Variants in GGCX observed in about 807,000 individuals in gnomAD.
GGCX encodes the protein vitamin K-dependent gamma-carboxylase.
A neutral mutation model predicts 88.5 loss-of-function variants in GGCX; 63 were observed. The observed-to-expected ratio is 0.71, with a 90% CI of 0.58 to 0.88. The LOEUF (loss-of-function observed/expected upper bound fraction) is 0.88, where lower values mean the gene tolerates loss of function less well. Among genes scored for constraint, GGCX ranks in the 40% least tolerant of loss-of-function variants. The probability of loss-of-function intolerance (pLI) is 0.00; values close to 1 mark genes in which losing one functional copy is unlikely to be tolerated. For synonymous variants in GGCX, 368 were observed against 365.8 expected, an observed-to-expected ratio of 1.01 and a Z score of -0.07; for missense variants, 805 against 932.9, an observed-to-expected ratio of 0.86 and a Z score of 1.79.
At chr2:85,551,388 G>A in intron 12 of GGCX, 92 bp downstream of exon 12, 2 of 1,305,502 alleles carry the variant, frequency 1.5e-6, no homozygotes, top group South Asian at 2.4e-5. Context: ...GTGAATTCCT[G>A]GCTTCCCACC....
chr2:85,545,634 G>A lies in GGCX; in HGVS notation c.*4300C>T, dbSNP rs1691622983. Reference sequence around the variant, plus strand: ...CTAGTCCACTTAAGCCAAAATTCATGTGTCCTTATTGCAGCAGCCATTCAA... The same window carrying A: ...CTAGTCCACTTAAGCCAAAATTCATATGTCCTTATTGCAGCAGCCATTCAA... On this transcript the variant is annotated 3_prime_UTR_variant, in exon 15 of 15. Coordinates refer to ENST00000233838, the MANE Select transcript of GGCX (RefSeq NM_000821.7). The A allele has an allele frequency of 6.6e-6, 1 of 152,106 alleles. No homozygotes were observed. Among genetic ancestry groups the A allele is most frequent in the African/African-American group, 2.4e-5 (1 of 41,402 alleles). The allele number at this position is 152,106 out of a possible 1,614,324, so 9.4% of individuals were successfully genotyped here.
intron 6 of GGCX, chr2:85,554,799 A>G (rs1177723502): frequency 4.5e-6 from 1 of 223,316 alleles, no homozygotes; most frequent in African/African-American, 2.3e-5. Context: ...TTAGGTGTTC[A>G]ATGTTTTCTA....
intron 9 of GGCX, 92 bp from the exon 10 acceptor site, chr2:85,552,659 G>A (rs965143013): frequency 1.2e-5 from 16 of 1,280,726 alleles, no homozygotes; most frequent in Non-Finnish European, 1.8e-5. Flanking sequence ...ATCCCTGCCT[G>A]CTGCCCATTC....
intron 1 of GGCX, 90 bp from the exon 2 acceptor site, chr2:85,561,075 G>T: frequency 8.7e-7 from 1 of 1,155,272 alleles, no homozygotes; most frequent in Non-Finnish European, 1.3e-6. Context: ...CAGAGCTTCC[G>T]CCCACCCGGG....
Position 85,554,315 on chromosome 2 carries a change from A to G in GGCX, c.726-9T>C, listed in dbSNP as rs1406719030. ...CCTCAGACAACAGCAGTCTGCAAAC[A>G]CATGGAGAAAGTTCAAGCACCAGCC... On this transcript the variant is annotated splice_polypyrimidine_tract_variant and intron_variant, in intron 6 of 14. Coordinates refer to ENST00000233838, the MANE Select transcript of GGCX (RefSeq NM_000821.7). The G allele has an allele frequency of 1.2e-6, 2 of 1,613,524 alleles. No individual in the cohort carries two copies. The highest frequency in any genetic ancestry group is 1.7e-6 in the Non-Finnish European group (2 of 1,179,698).
In GGCX at chr2:85,553,002, G is replaced by T. The variant is rs763288483; in HGVS notation, c.1224C>A (p.His408Gln). The T allele has an allele frequency of 3.0e-5, 49 of 1,614,062 alleles. No homozygotes were observed. The highest frequency in any genetic ancestry group is 5.0e-5 in the Admixed American group (3 of 60,018). The change falls in exon 9 of 15, where the codon CAC (histidine) becomes CAA (glutamine). Residue 408 changes from histidine (H) to glutamine (Q), a missense_variant. Physicochemically the swap from His to Gln is conservative, Grantham distance 24. Transcript: ENST00000233838. ...SWDMMVHSRS[H>Q]QHVKITYRDG... ...CACGGTAGGTGATCTTCACGTGCTG[G>T]TGGGAGCGGGAGTGCACCATCATGT...
intron 8 of GGCX, 68 bp from the exon 9 acceptor site, chr2:85,553,138 G>A (rs903853639): frequency 1.9e-6 from 3 of 1,613,016 alleles, no homozygotes; most frequent in African/African-American, 2.7e-5. Context: ...CTACCAAGAA[G>A]GGGCTGCAAA....
At position 85,561,052 on chromosome 2, in the gene GGCX, T is replaced by A. The variant is rs7568458; in HGVS notation, c.44-67A>T. The A allele has an allele frequency of 0.45, 608,674 of 1,343,042 alleles. 141,600 individuals are homozygous for A. The highest frequency in any genetic ancestry group is 0.68 in the African/African-American group (47,709 of 69,844). 83.2% of individuals were successfully genotyped at this position (1,343,042 alleles called of 1,614,324 possible). ...CTCCACCTCAAATCAAAGAAATCAC[T>A]GCACCAACAGCTCAGAGCTTCCGCC... On this transcript the variant is annotated intron_variant, in intron 1 of 14. Coordinates refer to ENST00000233838, the MANE Select transcript of GGCX (RefSeq NM_000821.7).
In GGCX at chr2:85,552,032, G is replaced by C. The variant is rs756266880; in HGVS notation, c.1440-51C>G. On this transcript the variant is annotated intron_variant, in intron 10 of 14. Coordinates refer to ENST00000233838, the MANE Select transcript of GGCX (RefSeq NM_000821.7). Reference sequence around the variant, plus strand: ...GGACATCACAGCCACCCACCCACCAGAACTTCCAGTTCTCTCCCTTTCATC... The same window carrying C: ...GGACATCACAGCCACCCACCCACCACAACTTCCAGTTCTCTCCCTTTCATC... The C allele has an allele frequency of 1.5e-5, 20 of 1,361,862 alleles. No homozygotes were observed. In the South Asian group the frequency reaches 2.1e-4, roughly 14 times the overall value. The allele number at this position is 1,361,862 out of a possible 1,614,324, so 84.4% of individuals were successfully genotyped here.
rs777484455 is a variant in GGCX at position 85,558,423 on chromosome 2, TC to T, written c.539+16del. ...TGACCCAGCCAACCCCTCCCCTTTG[TC>T]CCCCCTGACTCATACCAGTAGTGGT... On this transcript the variant is annotated intron_variant, in intron 4 of 14. Coordinates refer to ENST00000233838, the MANE Select transcript of GGCX (RefSeq NM_000821.7). 6.2e-7 allele frequency: 1 copy of T among 1,610,104 alleles called. No homozygotes were observed. Among genetic ancestry groups the T allele is most frequent in the African/African-American group, 1.3e-5 (1 of 74,892 alleles).
rs368331465 is a variant in GGCX at position 85,550,561 on chromosome 2, C to T, written c.2078G>A (p.Arg693His). ...AATATTGTTGTGAACTTACCTGCGG[C>T]GAAAGACATAGAGCTTTCGCAACAA... ...RFLLRKLYVF[R>H]RSFLMTCISL... Residue 693 changes from arginine (R) to histidine (H), a missense_variant, in exon 14 of 15, where the codon CGC (arginine) becomes CAC (histidine). Around this residue, in one of 3 missense-constraint regions of GGCX, gnomAD observed 680 missense variants for 763.7 expected, o/e 0.89. Transcript: ENST00000233838. 36 of 1,612,516 alleles carry T rather than the reference C, an allele frequency of 2.2e-5. No homozygotes were observed. Among genetic ancestry groups the T allele is most frequent in the Non-Finnish European group, 2.7e-5 (32 of 1,178,656 alleles).
chr2:85,553,859 C>T, intron 7 of GGCX: 1 of 488,392 alleles, frequency 2.0e-6, no homozygotes, highest in South Asian at 2.1e-5. Context: ...CCTCGGCCTC[C>T]CAAAGTGCTA....
chr2:85,553,323 T>C lies in GGCX; in HGVS notation c.1064A>G (p.Lys355Arg). The change falls in exon 8 of 15, where the codon AAG becomes AGG. Residue 355 changes from lysine (K) to arginine (R), a missense_variant. By Grantham distance (26) the Lys-to-Arg change is conservative. Around this residue, in one of 3 missense-constraint regions of GGCX, gnomAD observed 680 missense variants for 763.7 expected, o/e 0.89. Transcript: ENST00000233838. The stretch of plus-strand genomic sequence containing the variant: ...TCCCAGCTGATGGCGCAGCCCTGGC[T>C]TCTGGCCACTTTTGCCCCGGCTCCT... ...YKRSRGKSGQ[K>R]PGLRHQLGAA... is the part of the protein sequence containing the mutation. The C allele has an allele frequency of 6.2e-7, 1 of 1,614,228 alleles. No individual in the cohort carries two copies. The highest frequency in any genetic ancestry group is 8.5e-7 in the Non-Finnish European group (1 of 1,180,032).
At chr2:85,555,333 A>T in intron 6 of GGCX, 151 bp downstream of exon 6, 1 of 633,638 alleles carries the variant, frequency 1.6e-6, no homozygotes, top group Admixed American at 2.4e-5. Flanking sequence ...GATACCACTG[A>T]CTCTGCTTCT....
At chr2:85,558,383 C>T in intron 4 of GGCX, 57 bp downstream of exon 4, 3 of 1,419,880 alleles carry the variant, frequency 2.1e-6, no homozygotes, top group South Asian at 1.1e-5. Flanking sequence ...GGGCCCCTAT[C>T]TCTGATAACC....
Position 85,550,911 on chromosome 2 carries a change from G to A in GGCX, c.1888+14C>T. 1.2e-6 allele frequency: 2 copies of A among 1,613,588 alleles called. No homozygotes were observed. Among genetic ancestry groups the A allele is most frequent in the Admixed American group, 1.7e-5 (1 of 60,020 alleles). ...AACCAGAGGCTATCTCAGCCCAAAT[G>A]TTCATACACTCACCACTTCCATTCT... On this transcript the variant is annotated intron_variant, in intron 13 of 14. Coordinates refer to ENST00000233838, the MANE Select transcript of GGCX (RefSeq NM_000821.7).
intron 14 of GGCX, 27 bp downstream of exon 14, chr2:85,550,528 C>T (rs768322145): frequency 1.3e-6 from 2 of 1,556,010 alleles, no homozygotes; most frequent in Admixed American, 1.7e-5. Flanking sequence ...CATATGATGG[C>T]AATGACAAAT....
chr2:85,544,720 G>A lies in GGCX; in HGVS notation c.*5214C>T, dbSNP rs1474196562. On this transcript the variant is annotated 3_prime_UTR_variant, in exon 15 of 15. Coordinates refer to ENST00000233838, the MANE Select transcript of GGCX (RefSeq NM_000821.7). ...CCACACTGCACAATAACTCCTCCCA[G>A]GGTTTTAACTTTGTTTTATTTTCAA... 2 of 152,450 alleles carry A rather than the reference G, an allele frequency of 1.3e-5. No homozygotes were observed. Among genetic ancestry groups the A allele is most frequent in the Non-Finnish European group, 2.9e-5 (2 of 68,026 alleles). The allele number at this position is 152,450 out of a possible 1,614,324, so 9.4% of individuals were successfully genotyped here.
In GGCX at chr2:85,549,813, A is replaced by T. The variant is rs1029554696; in HGVS notation, c.*121T>A. ...ATCTCGGAGTTAAAAACAGCTTTAG[A>T]ACCCCGCCCCCCCAAAAAAAAAAAA... On this transcript the variant is annotated 3_prime_UTR_variant, in exon 15 of 15. Coordinates refer to ENST00000233838, the MANE Select transcript of GGCX (RefSeq NM_000821.7). 2.7e-5 allele frequency: 18 copies of T among 667,690 alleles called. No individual in the cohort carries two copies. In the African/African-American group the frequency reaches 3.3e-4, roughly 12 times the overall value. The allele number at this position is 667,690 out of a possible 1,614,324, so 41.4% of individuals were successfully genotyped here. A position where few individuals can be genotyped will look rare whatever the true frequency, so the allele number is the denominator to read the frequency against.
Sources: gnomAD v4.1 joint callset for allele counts on GRCh38, gnomAD v4.1.1 for gene constraint, gnomAD v4.1.1 regional missense constraint, MANE v1.5 for transcripts, NCBI Gene and HGNC (gene_info 2026-07-23, HGNC 2026-07-21) for gene names.